The following JARID2 variants were observed in gnomAD, a reference collection of about 807,000 sequenced individuals.
JARID2 encodes the protein protein Jumonji.
Under a neutral mutation model 125.6 loss-of-function variants are expected in JARID2, and 21 were observed. The observed-to-expected ratio is 0.17, with a 90% CI of 0.12 to 0.24. The LOEUF (loss-of-function observed/expected upper bound fraction) is 0.24. Among genes scored for constraint, JARID2 ranks in the 10% least tolerant of loss-of-function variants. The pLI is 1.00. For missense variants in JARID2, 1,303 were observed against 1,639.6 expected (o/e 0.79, Z 3.55); for synonymous variants, 736 against 661.6 (o/e 1.11, Z -1.73).
In JARID2 at chr6:15,286,255, CT is replaced by C. The variant is rs60401396; in HGVS notation, c.45+39686del. 8.8e-3 allele frequency among the ~76,000 whole-genome samples: 1,206 copies of C among 137,494 alleles called. 4 individuals carry two copies. The highest frequency in any genetic ancestry group is 0.011 in the Non-Finnish European group (706 of 62,486). The allele number at this position is 137,494 out of a possible 152,430, so 90.2% of individuals were successfully genotyped here. ...ATCTAATTTTATAATTGGAAGAATT[CT>C]TTTTTTTTTTTTTTGAGATGAAGTC... is the stretch of plus-strand genomic sequence containing the variant. On this transcript the variant is annotated intron_variant, in intron 1 of 17. Coordinates refer to ENST00000341776, the MANE Select transcript of JARID2 (RefSeq NM_004973.4).
At chr6:15,311,746 T>C (rs920903520) in intron 1 of JARID2, among the ~76,000 whole-genome samples, 7 of 151,984 alleles carry the variant, frequency 4.6e-5, no homozygotes, top group Non-Finnish European at 7.4e-5. Context: ...TTTTTTTTTT[T>C]TCTTTTTTCT....
At chr6:15,274,060 A>G (rs1185786133) in intron 1 of JARID2, among the ~76,000 whole-genome samples, 1 of 151,458 alleles carries the variant, frequency 6.6e-6, no homozygotes, top group Non-Finnish European at 1.5e-5. Flanking sequence ...TCCGGAGTAG[A>G]TGGGACTATA....
intron 1 of JARID2, among the ~76,000 whole-genome samples, chr6:15,287,343 G>A (rs965059808): frequency 6.6e-6 from 1 of 152,162 alleles, no homozygotes. Flanking sequence ...CCATCAAAAT[G>A]ATAAAGAACA....
rs1276257841 is a variant in JARID2, at chr6:15,496,939, A to C, written c.1714A>C (p.Ile572Leu). 6.2e-7 allele frequency: 1 copy of C among 1,606,536 alleles called. No individual in the cohort carries two copies. The highest frequency in any genetic ancestry group is 8.5e-7 in the Non-Finnish European group (1 of 1,174,528). The change falls in exon 7 of 18, where the codon ATC (isoleucine) becomes CTC (leucine). Residue 572 changes from isoleucine to leucine, a missense_variant. By Grantham distance (5) the Ile-to-Leu change is conservative (BLOSUM62 2). This residue lies in a region of JARID2 where 651 missense variants were observed against 581.6 expected (regional missense o/e 1.12). Transcript: ENST00000341776. Reference sequence around the variant, plus strand: ...CGCCAAGGAGTTCCACGATCCGCTCATCTACATCGAGTCGGTCCGCGCTCA... The same window carrying C: ...CGCCAAGGAGTTCCACGATCCGCTCCTCTACATCGAGTCGGTCCGCGCTCA... ...PSAKEFHDPL[I>L]YIESVRAQVE...
chr6:15,312,129 C>T (rs960497807), intron 1 of JARID2, among the ~76,000 whole-genome samples: 7 of 151,878 alleles, frequency 4.6e-5, no homozygotes, highest in Admixed American at 4.6e-4. Context: ...GATCTTGGCT[C>T]ACTGCAGCCT....
chr6:15,425,508 G>T (rs550650013), intron 3 of JARID2, among the ~76,000 whole-genome samples: 191 of 152,238 alleles, frequency 1.3e-3, no homozygotes, highest in Non-Finnish European at 1.9e-3. Flanking sequence ...GGTCATGAGG[G>T]CTGCACCCTC....
Position 15,487,428 on chromosome 6 carries a change from G to A in JARID2, c.792G>A (p.Gln264=). 1.2e-6 allele frequency: 2 copies of A among 1,614,234 alleles called. No individual in the cohort carries two copies. Among genetic ancestry groups the A allele is most frequent in the Non-Finnish European group, 1.7e-6 (2 of 1,180,044 alleles). ...SDHRADSRRE[Q]ASANHPAAAP... ...ACCGGGCTGACAGCCGCCGGGAGCA[G>A]GCTTCAGCTAACCACCCCGCAGCGG... The change falls in exon 6 of 18, where the codon CAG becomes CAA. Residue 264 remains glutamine, a synonymous_variant. Transcript: ENST00000341776.
chr6:15,280,359 G>GA (rs1760704315), intron 1 of JARID2, among the ~76,000 whole-genome samples: 1 of 151,876 alleles, frequency 6.6e-6, no homozygotes, highest in Non-Finnish European at 1.5e-5. Flanking sequence ...TTCCAATTTA[G>GA]AAAAAAATTA....
rs1282327432 is a variant in JARID2, at chr6:15,521,366, T to G, written c.*1115T>G. The G allele has an allele frequency of 6.6e-6, 1 of 151,420 alleles. No homozygotes were observed. Among genetic ancestry groups the G allele is most frequent in the Admixed American group, 6.6e-5 (1 of 15,216 alleles). The allele number at this position is 151,420 out of a possible 1,614,324, so 9.4% of individuals were successfully genotyped here. ...AAAGAAAAAAAAATCCCATCCCTTT[T>G]GTACATATGCCTGTAAATTGTTTTA... On this transcript the variant is annotated 3_prime_UTR_variant, in exon 18 of 18. Transcript: ENST00000341776.
chr6:15,318,832 G>A (rs1437594361), intron 1 of JARID2, among the ~76,000 whole-genome samples: 1 of 152,086 alleles, frequency 6.6e-6, no homozygotes, highest in African/African-American at 2.4e-5. Context: ...GGGTGGTGTG[G>A]GGTAGGCGAG....
At chr6:15,370,838 T>G (rs571368418) in intron 1 of JARID2, among the ~76,000 whole-genome samples, 1 of 152,212 alleles carries the variant, frequency 6.6e-6, no homozygotes, top group South Asian at 2.1e-4. Flanking sequence ...GTAAGGATGA[T>G]TCACCATGAC....
intron 1 of JARID2, among the ~76,000 whole-genome samples, chr6:15,258,816 C>T (rs550004766): frequency 2.6e-4 from 39 of 152,310 alleles, no homozygotes; most frequent in Admixed American, 5.9e-4. Context: ...CCAACTGTGA[C>T]TATTTAGACC....
intron 3 of JARID2, among the ~76,000 whole-genome samples, chr6:15,417,903 G>A (rs1257448924): frequency 6.6e-6 from 1 of 152,184 alleles, no homozygotes; most frequent in Admixed American, 6.5e-5. Context: ...GTTTCAGAGG[G>A]TTTTTAATTT....
At chr6:15,452,428 A>G (rs1279468335) in intron 4 of JARID2, among the ~76,000 whole-genome samples, 1 of 152,054 alleles carries the variant, frequency 6.6e-6, no homozygotes, top group Non-Finnish European at 1.5e-5. Flanking sequence ...TCAATGCACA[A>G]TTATGCAGTT....
At position 15,496,848 on chromosome 6, in the gene JARID2, G is replaced by A; in HGVS notation, c.1623G>A (p.Lys541=). The change falls in exon 7 of 18, where the codon AAG becomes AAA. Residue 541 remains lysine (K), a synonymous_variant. Transcript: ENST00000341776. ...ESVHKPQDSG[K]AEKGGGKAGW... The stretch of plus-strand genomic sequence containing the variant: ...TGCACAAGCCGCAGGACTCGGGCAA[G>A]GCCGAGAAGGGCGGCGGCAAGGCCG... 6.2e-7 allele frequency: 1 copy of A among 1,601,422 alleles called. No individual in the cohort carries two copies. Among genetic ancestry groups the A allele is most frequent in the Non-Finnish European group, 8.5e-7 (1 of 1,171,658 alleles).
chr6:15,404,564 CACACACACAG>C (rs1292487594), intron 2 of JARID2, among the ~76,000 whole-genome samples: 2 of 112,842 alleles, frequency 1.8e-5, no homozygotes, highest in African/African-American at 3.0e-5. Flanking sequence ...CACACACACA[CACACACACAG>C]AAATTGCTGC....
At chr6:15,417,969 C>T (rs1174602254) in intron 3 of JARID2, among the ~76,000 whole-genome samples, 1 of 152,094 alleles carries the variant, frequency 6.6e-6, no homozygotes, top group Non-Finnish European at 1.5e-5. Flanking sequence ...CATCTGTAGG[C>T]AGATGGAAAT....
At chr6:15,391,376 G>T (rs1435401167) in intron 2 of JARID2, among the ~76,000 whole-genome samples, 1 of 152,174 alleles carries the variant, frequency 6.6e-6, no homozygotes, top group Admixed American at 6.5e-5. Flanking sequence ...AGTCTCTGAG[G>T]AGCCCTAGCA....
intron 1 of JARID2, among the ~76,000 whole-genome samples, chr6:15,278,622 TAATAGTGTAGCTGGCTGGTGAA>T (rs548385994): frequency 1.3e-3 from 201 of 152,104 alleles, no homozygotes; most frequent in Non-Finnish European, 2.4e-3. Context: ...GTGAGCTCTG[TAATAGTGTAGCTGGCTGGTGAA>T]AATAGTGTAG....
Sources: allele counts gnomAD v4.1 joint callset (sites outside exome capture counted in the v4.1 genomes callset), GRCh38; gene constraint gnomAD v4.1.1; regional missense constraint gnomAD v4.1.1; transcripts MANE v1.5; gene names NCBI Gene and HGNC (gene_info 2026-07-23, HGNC 2026-07-21).